Variants in C9orf153 observed in about 807,000 individuals in gnomAD.
C9orf153 encodes the protein uncharacterized protein C9orf153.
A neutral mutation model predicts 9.0 loss-of-function variants in C9orf153; 10 were observed. The ratio of observed to expected loss-of-function variants is 1.11; its 90% CI spans 0.69 to 1.89. C9orf153 has a LOEUF of 1.89. Ranked by LOEUF, C9orf153 falls within the 40% of genes most tolerant of loss-of-function variation. The pLI is 0.00. For missense variants in C9orf153, 108 were observed against 111.0 expected (o/e 0.97, Z 0.12); for synonymous variants, 35 against 37.3 (o/e 0.94, Z 0.23).
intron 3 of C9orf153, among the ~76,000 whole-genome samples, chr9:86,226,634 T>C (rs968601468): frequency 6.6e-6 from 1 of 152,172 alleles, no homozygotes; most frequent in Non-Finnish European, 1.5e-5. Flanking sequence ...TATCACAAAT[T>C]GATGTAATCT....
At chr9:86,223,218 G>A (rs1230960239) in intron 3 of C9orf153, among the ~76,000 whole-genome samples, 2 of 152,084 alleles carry the variant, frequency 1.3e-5, no homozygotes, top group African/African-American at 2.4e-5. Flanking sequence ...AGAGCCTCAT[G>A]TCCCAAACTC....
chr9:86,223,983 A>G (rs1824262958), intron 3 of C9orf153, among the ~76,000 whole-genome samples: 1 of 152,140 alleles, frequency 6.6e-6, no homozygotes, highest in Non-Finnish European at 1.5e-5. Flanking sequence ...AGCCCTGCAT[A>G]GTGGCATGCA....
intron 3 of C9orf153, 153 bp downstream of exon 3, chr9:86,227,702 G>A: frequency 8.1e-6 from 8 of 985,358 alleles, no homozygotes; most frequent in Non-Finnish European, 9.6e-6. Context: ...AATTTCATAA[G>A]GAAAAGTGTG....
At position 86,226,532 on chromosome 9, in the gene C9orf153, C is replaced by T. The variant is rs191760870; in HGVS notation, c.242+1323G>A. The stretch of plus-strand genomic sequence containing the variant: ...AGAGTCGGGGTTTTGCCATATTGCC[C>T]CGTCCCACTACTTTTAATATAAAAA... On this transcript the variant is annotated intron_variant, in intron 3 of 3. Transcript: ENST00000339137. Among the ~76,000 whole-genome samples, 159 of 152,066 alleles carry T rather than the reference C, an allele frequency of 1.0e-3. 1 individual carries two copies. The South Asian group carries it at 0.02, about 19-fold the overall frequency.
intron 1 of C9orf153, among the ~76,000 whole-genome samples, chr9:86,238,355 C>A (rs1224475318): frequency 6.6e-6 from 1 of 152,174 alleles, no homozygotes; most frequent in Non-Finnish European, 1.5e-5. Context: ...AAGATCAAGT[C>A]CACATGGGAC....
intron 1 of C9orf153, among the ~76,000 whole-genome samples, chr9:86,231,263 A>C (rs1194922728): frequency 2.6e-5 from 4 of 152,310 alleles, no homozygotes; most frequent in South Asian, 4.1e-4. Context: ...ATTGTTTCAA[A>C]CCACTAAGCT....
At chr9:86,234,721 T>C (rs1443816669) in intron 1 of C9orf153, among the ~76,000 whole-genome samples, 3 of 152,166 alleles carry the variant, frequency 2.0e-5, no homozygotes, top group African/African-American at 7.2e-5. Flanking sequence ...TTGGACTTCA[T>C]CACAATTAAA....
In C9orf153 at chr9:86,250,729, G is replaced by A. The variant is rs1452571575; in HGVS notation, c.-27+8821C>T. Among the ~76,000 whole-genome samples, 13 of 149,634 alleles carry A rather than the reference G, an allele frequency of 8.7e-5. No individual in the cohort carries two copies. The South Asian group carries it at 1.1e-3, about 12-fold the overall frequency. On this transcript the variant is annotated intron_variant, in intron 1 of 3. Coordinates refer to ENST00000339137, the MANE Select transcript of C9orf153 (RefSeq NM_001276366.4). ...AGGTAATTCTTTGTTGTTTTTTTAC[G>A]GAGAAACTCTACTGGTTTATTAGAA...
intron 1 of C9orf153, among the ~76,000 whole-genome samples, chr9:86,240,707 C>CT (rs367674249): frequency 0.21 from 23,776 of 115,914 alleles, 3,513 homozygotes; most frequent in Non-Finnish European, 0.3. Context: ...TTTTCTTTTT[C>CT]TTTTTTTTTT....
chr9:86,238,100 A>G (rs150201506), intron 1 of C9orf153, among the ~76,000 whole-genome samples: 199 of 152,230 alleles, frequency 1.3e-3, no homozygotes, highest in Admixed American at 2.1e-3. Context: ...CAAAAAACAA[A>G]ACAAAACAAA....
intron 3 of C9orf153, among the ~76,000 whole-genome samples, chr9:86,224,940 C>CA (rs35723282): frequency 0.5 from 37,073 of 73,760 alleles, 9,129 homozygotes; most frequent in Non-Finnish European, 0.54. Flanking sequence ...GACTCCGTCT[C>CA]AAAAAAAAAA....
At chr9:86,242,618 C>T (rs1357944013) in intron 1 of C9orf153, among the ~76,000 whole-genome samples, 7 of 152,178 alleles carry the variant, frequency 4.6e-5, no homozygotes, top group Middle Eastern at 3.4e-3. Context: ...AAAGAAAATA[C>T]GTTTGTCTGT....
At chr9:86,226,386 A>G (rs963922986) in intron 3 of C9orf153, among the ~76,000 whole-genome samples, 3 of 151,940 alleles carry the variant, frequency 2.0e-5, no homozygotes, top group African/African-American at 7.3e-5. Flanking sequence ...CAGTGGCACA[A>G]TCTTGACTCA....
At position 86,254,540 on chromosome 9, in the gene C9orf153, T is replaced by C. The variant is rs188370606; in HGVS notation, c.-27+5010A>G. ...TGATTTGAACTATAAACCAGAAAAA[T>C]CTGTCAGATTGCTACTGCAATCTGA... On this transcript the variant is annotated intron_variant, in intron 1 of 3. Coordinates refer to ENST00000339137, the MANE Select transcript of C9orf153 (RefSeq NM_001276366.4). 3.3e-5 allele frequency among the ~76,000 whole-genome samples: 5 copies of C among 152,172 alleles called. No homozygotes were observed. The East Asian group carries it at 9.7e-4, about 29-fold the overall frequency.
chr9:86,239,028 G>A (rs1378086842), intron 1 of C9orf153, among the ~76,000 whole-genome samples: 1 of 151,326 alleles, frequency 6.6e-6, no homozygotes, highest in Non-Finnish European at 1.5e-5. Flanking sequence ...TTGGGAGGCC[G>A]AGGAGGGCTG....
chr9:86,228,996 G>A, intron 2 of C9orf153: 2 of 268,060 alleles, frequency 7.5e-6, no homozygotes, highest in Non-Finnish European at 7.6e-6. Context: ...AGGCGACAAG[G>A]GCCCGTGGAC....
At chr9:86,240,498 C>G (rs895458417) in intron 1 of C9orf153, among the ~76,000 whole-genome samples, 2 of 151,260 alleles carry the variant, frequency 1.3e-5, no homozygotes, top group Non-Finnish European at 2.9e-5. Flanking sequence ...CCACCTCAGC[C>G]TCTCAGGTAG....
intron 1 of C9orf153, among the ~76,000 whole-genome samples, chr9:86,239,670 C>A (rs539767884): frequency 6.6e-6 from 1 of 152,250 alleles, no homozygotes; most frequent in South Asian, 2.1e-4. Context: ...TCTTTTGGGG[C>A]TGACAGAAAA....
chr9:86,221,527 C>A lies in C9orf153; in HGVS notation c.*161G>T. 1 of 1,361,438 alleles carries A rather than the reference C, an allele frequency of 7.3e-7. No individual in the cohort carries two copies. The highest frequency in any genetic ancestry group is 9.5e-7 in the Non-Finnish European group (1 of 1,057,536). The allele number at this position is 1,361,438 out of a possible 1,614,324, so 84.3% of individuals were successfully genotyped here. On this transcript the variant is annotated 3_prime_UTR_variant, in exon 4 of 4. Coordinates refer to ENST00000339137, the MANE Select transcript of C9orf153 (RefSeq NM_001276366.4). ...TTCCATTTAAGAGAATAACTTCCTT[C>A]ATTTTGATAATCAATTTGAGGATAA...
Sources: allele counts gnomAD v4.1 joint callset (sites outside exome capture counted in the v4.1 genomes callset), GRCh38; gene constraint gnomAD v4.1.1; transcripts MANE v1.5; gene names NCBI Gene and HGNC (gene_info 2026-07-23, HGNC 2026-07-21).